ZNF704: variants seen among roughly 807,000 people sequenced by gnomAD.
ZNF704 encodes the protein glucocorticoid induced gene 1.
Under a neutral mutation model 44.7 loss-of-function variants are expected in ZNF704, and 10 were observed. The ratio of observed to expected loss-of-function variants is 0.22; its 90% confidence interval spans 0.14 to 0.38. The LOEUF is 0.38. Among genes scored for constraint, ZNF704 ranks in the 10% least tolerant of loss-of-function variants. The pLI, the probability that ZNF704 is intolerant of heterozygous loss-of-function variation, is 1.00. For synonymous variants in ZNF704, 211 were observed against 207.6 expected (o/e 1.02, Z -0.14); for missense variants, 390 against 545.5 (o/e 0.71, Z 2.84).
At chr8:80,764,094 C>T (rs6991694) in intron 2 of ZNF704, among the ~76,000 whole-genome samples, 4,442 of 152,266 alleles carry the variant, frequency 0.029, 239 homozygotes, top group African/African-American at 0.1. Flanking sequence ...CTGAGCATTC[C>T]AAACTGTTCC....
intron 2 of ZNF704, among the ~76,000 whole-genome samples, chr8:80,708,943 T>C (rs1054453649): frequency 1.3e-5 from 2 of 152,112 alleles, no homozygotes; most frequent in African/African-American, 2.4e-5. Context: ...AGCAAGCACA[T>C]AGACCACAGA....
intron 2 of ZNF704, among the ~76,000 whole-genome samples, chr8:80,811,649 T>C (rs913428143): frequency 5.9e-5 from 9 of 152,232 alleles, no homozygotes; most frequent in Non-Finnish European, 1.3e-4. Context: ...TGTGGTAGTG[T>C]GTTAACTATA....
At chr8:80,684,665 T>C (rs1245267740) in intron 4 of ZNF704, among the ~76,000 whole-genome samples, 1 of 152,204 alleles carries the variant, frequency 6.6e-6, no homozygotes, top group African/African-American at 2.4e-5. Context: ...CTAAAATAAC[T>C]GTATTACAGT....
At chr8:80,763,804 G>A (rs1005352701) in intron 2 of ZNF704, among the ~76,000 whole-genome samples, 4 of 152,126 alleles carry the variant, frequency 2.6e-5, no homozygotes, top group African/African-American at 9.7e-5. Context: ...CCTCTTGAAT[G>A]CTTTGCTGCT....
chr8:80,867,481 T>C (rs576871376), intron 1 of ZNF704, among the ~76,000 whole-genome samples: 1 of 151,814 alleles, frequency 6.6e-6, no homozygotes, highest in African/African-American at 2.4e-5. Context: ...AGCAGCAAAC[T>C]TGCTAGCAGC....
chr8:80,726,833 G>GCGCACA (rs1806489266), intron 2 of ZNF704, among the ~76,000 whole-genome samples: 1 of 147,586 alleles, frequency 6.8e-6, no homozygotes, highest in Admixed American at 6.8e-5. Flanking sequence ...ACACACACAT[G>GCGCACA]CACACACACA....
rs1482973516 is a variant in ZNF704 at position 80,630,433 on chromosome 8, G to A, written c.*10933C>T. On this transcript the variant is annotated 3_prime_UTR_variant, in exon 9 of 9. Transcript: ENST00000327835. The stretch of plus-strand genomic sequence containing the variant: ...TGTTTAGCAGGCACTAAAAAGCAAT[G>A]TTTTCTACTGATTGCATTTCCACTA... 6.6e-6 allele frequency: 1 copy of A among 152,102 alleles called. No homozygotes were observed. Among genetic ancestry groups the A allele is most frequent in the Non-Finnish European group, 1.5e-5 (1 of 68,010 alleles). The allele number at this position is 152,102 out of a possible 1,614,324, so 9.4% of individuals were successfully genotyped here.
At chr8:80,754,822 G>A (rs1807008092) in intron 2 of ZNF704, among the ~76,000 whole-genome samples, 2 of 152,072 alleles carry the variant, frequency 1.3e-5, no homozygotes, top group African/African-American at 4.8e-5. Context: ...TCTCTTCTTC[G>A]CTACATTTAC....
At chr8:80,782,658 G>A (rs571884259) in intron 2 of ZNF704, among the ~76,000 whole-genome samples, 10 of 152,124 alleles carry the variant, frequency 6.6e-5, no homozygotes, top group Non-Finnish European at 1.3e-4. Context: ...CAGAAGAGGA[G>A]GACGACCAGG....
chr8:80,768,578 G>T (rs1411861046), intron 2 of ZNF704, among the ~76,000 whole-genome samples: 1 of 152,054 alleles, frequency 6.6e-6, no homozygotes, highest in African/African-American at 2.4e-5. Flanking sequence ...TAATGAGAAG[G>T]GATTAGGCAG....
chr8:80,815,867 A>G (rs6985971), intron 2 of ZNF704, among the ~76,000 whole-genome samples: 9,080 of 152,320 alleles, frequency 0.06, 302 homozygotes, highest in Non-Finnish European at 0.076. Context: ...CTCTCACTTT[A>G]GAAGCCAAAA....
chr8:80,693,107 C>A lies in ZNF704; in HGVS notation c.222G>T (p.Arg74Ser), dbSNP rs768462553. The change falls in exon 3 of 9, where the codon AGG (arginine) becomes AGT (serine). Residue 74 changes from arginine (R) to serine (S), a missense_variant and splice_region_variant. Arg to Ser is a moderately radical substitution (Grantham distance 110, BLOSUM62 -1). Coordinates refer to ENST00000327835, the MANE Select transcript of ZNF704 (RefSeq NM_001033723.3). ...CCATGTCTAGTTCCTCTGAAGATTT[C>A]CTGTAAAACAGGAAGGGACACTGGT... ...VSSNIDVPPA[R>S]KSSEELDMDK... 1 of 1,613,946 alleles carries A rather than the reference C, an allele frequency of 6.2e-7. No homozygotes were observed. The highest frequency in any genetic ancestry group is 8.5e-7 in the Non-Finnish European group (1 of 1,179,826).
intron 8 of ZNF704, 108 bp from the exon 9 acceptor site, chr8:80,641,585 A>T: frequency 1.7e-6 from 1 of 601,798 alleles, no homozygotes; most frequent in Non-Finnish European, 2.7e-6. Context: ...AAAAAAAAAA[A>T]GGCTGGCCAT....
At chr8:80,877,451 C>T (rs891146880), upstream of ZNF704, among the ~76,000 whole-genome samples, 9 of 152,180 alleles carry the variant, frequency 5.9e-5, no homozygotes, top group Admixed American at 5.9e-4. Flanking sequence ...ACATGACACA[C>T]TACATGCATG....
intron 4 of ZNF704, among the ~76,000 whole-genome samples, chr8:80,681,191 T>G (rs796109223): frequency 6.6e-6 from 1 of 152,282 alleles, no homozygotes; most frequent in African/African-American, 2.4e-5. Flanking sequence ...TGTCTGCAAG[T>G]TTTTTTGTGG....
intron 1 of ZNF704, among the ~76,000 whole-genome samples, chr8:80,840,379 T>C (rs1337427042): frequency 1.3e-5 from 2 of 152,194 alleles, no homozygotes; most frequent in Admixed American, 6.5e-5. Context: ...GTGTATTTTA[T>C]GTGTGGCCCA....
intron 2 of ZNF704, among the ~76,000 whole-genome samples, chr8:80,745,267 C>A (rs1806825604): frequency 1.3e-5 from 2 of 152,118 alleles, no homozygotes; most frequent in Admixed American, 1.3e-4. Context: ...AAAGCCATGT[C>A]ACATTGTATT....
chr8:80,861,991 CTTTTTTTTT>C (rs71266093), intron 1 of ZNF704, among the ~76,000 whole-genome samples: 1 of 92,948 alleles, frequency 1.1e-5, no homozygotes, highest in African/African-American at 5.4e-5. Context: ...AAAAAATAAC[CTTTTTTTTT>C]TTTTTTTTTT....
chr8:80,772,422 G>T (rs148742676), intron 2 of ZNF704, among the ~76,000 whole-genome samples: 12 of 152,282 alleles, frequency 7.9e-5, no homozygotes, highest in African/African-American at 2.6e-4. Context: ...CTTACAGGAA[G>T]CATTGCTGGG....
Sources: gnomAD v4.1 joint callset for allele counts (sites outside exome capture counted in the v4.1 genomes callset) on GRCh38, gnomAD v4.1.1 for gene constraint, MANE v1.5 for transcripts, NCBI Gene and HGNC (gene_info 2026-07-23, HGNC 2026-07-21) for gene names.